AOAH: variants seen among roughly 807,000 people sequenced by gnomAD.
The protein encoded by AOAH is acyloxyacyl hydrolase, also known as acyloxyacyl hydrolase (neutrophil).
AOAH carries 64 observed loss-of-function variants against 92.2 expected under a neutral mutation model. The ratio of observed to expected loss-of-function variants is 0.69; its 90% confidence interval spans 0.57 to 0.86. The LOEUF (loss-of-function observed/expected upper bound fraction) is 0.86, where lower values mean the gene tolerates loss of function less well. Among genes scored for constraint, AOAH ranks in the 40% least tolerant of loss-of-function variants. AOAH has a pLI of 0.00. For missense variants in AOAH, 656 were observed against 694.6 expected (o/e 0.94, Z 0.62); for synonymous variants, 263 against 254.5 (o/e 1.03, Z -0.32).
intron 16 of AOAH, among the ~76,000 whole-genome samples, chr7:36,537,873 G>C (rs1160783926): frequency 6.6e-6 from 1 of 152,090 alleles, no homozygotes; most frequent in South Asian, 2.1e-4. Flanking sequence ...GGGTGGGGGT[G>C]AGTGGGTTGC....
chr7:36,618,277 A>G lies in AOAH; in HGVS notation c.751+20T>C. On this transcript the variant is annotated intron_variant, in intron 10 of 20. Transcript: ENST00000617537. ...AAGAATATCTATCATTATAACCACAATGACATCCACAATTCATACCTTCAC... is the reference window on the plus strand; with the variant it reads ...AAGAATATCTATCATTATAACCACAGTGACATCCACAATTCATACCTTCAC... The G allele has an allele frequency of 6.2e-7, 1 of 1,607,910 alleles. No individual in the cohort carries two copies. Among genetic ancestry groups the G allele is most frequent in the South Asian group, 1.1e-5 (1 of 90,922 alleles).
rs146107333 is a variant in AOAH at position 36,623,198 on chromosome 7, C to T, written c.574G>A (p.Val192Ile). 118 of 1,613,636 alleles carry T rather than the reference C, an allele frequency of 7.3e-5. No homozygotes were observed. The highest frequency in any genetic ancestry group is 1.3e-4 in the Admixed American group (8 of 59,990). Reference protein sequence around the residue: ...FKDVDSDKYSVFPTLRGYHWR... With the variant: ...FKDVDSDKYSIFPTLRGYHWR... ...TTCCTAACAATACTTACTGGGAAAACGCTGTATTTGTCTGAATCCACATCT... is the reference window on the plus strand; with the variant it reads ...TTCCTAACAATACTTACTGGGAAAATGCTGTATTTGTCTGAATCCACATCT... The change falls in exon 7 of 21, where the codon GTT becomes ATT. Residue 192 changes from valine (V) to isoleucine (I), a missense_variant. Transcript: ENST00000617537.
rs116029038 is a variant in AOAH at position 36,541,240 on chromosome 7, G to C, written c.1134-749C>G. 8.6e-3 allele frequency among the ~76,000 whole-genome samples: 1,316 copies of C among 152,210 alleles called. 18 individuals are homozygous for C. Among genetic ancestry groups the C allele is most frequent in the African/African-American group, 0.03 (1,243 of 41,524 alleles). ...CAGCATTTCACAACAATTCCAGCCC[G>C]CATTATTGTCTTTATATAGTAGTGC... is the stretch of plus-strand genomic sequence containing the variant. On this transcript the variant is annotated intron_variant, in intron 15 of 20. Coordinates refer to ENST00000617537, the MANE Select transcript of AOAH (RefSeq NM_001637.4).
At chr7:36,703,726 A>T (rs546991535) in intron 1 of AOAH, among the ~76,000 whole-genome samples, 10 of 152,022 alleles carry the variant, frequency 6.6e-5, no homozygotes, top group African/African-American at 2.2e-4. Context: ...ACACGAAGTC[A>T]TTGGTTCCAA....
chr7:36,557,417 A>G lies in AOAH; in HGVS notation c.1022-7942T>C, dbSNP rs1185303643. Among the ~76,000 whole-genome samples the G allele has an allele frequency of 3.3e-5, 5 of 151,964 alleles. No individual in the cohort carries two copies. The East Asian group carries it at 7.7e-4, about 24-fold the overall frequency. On this transcript the variant is annotated intron_variant, in intron 13 of 20. Coordinates refer to ENST00000617537, the MANE Select transcript of AOAH (RefSeq NM_001637.4). ...ACCTTTCTCTCTGGCTGCCCTTAAC[A>G]TTTTTTCCTTCATTTCAACTTTGGT...
chr7:36,659,030 G>T, intron 4 of AOAH, 136 bp downstream of exon 4: 1 of 721,506 alleles, frequency 1.4e-6, no homozygotes, highest in South Asian at 1.6e-5. Context: ...ATTTCTTGCG[G>T]GGTAATTGAA....
intron 4 of AOAH, among the ~76,000 whole-genome samples, chr7:36,645,155 C>A (rs1031675736): frequency 3.3e-5 from 5 of 152,096 alleles, no homozygotes; most frequent in Admixed American, 6.5e-5. Context: ...TGGATTGAAA[C>A]CTGAATCTCC....
chr7:36,521,006 C>G (rs142114154), intron 20 of AOAH, among the ~76,000 whole-genome samples: 390 of 152,268 alleles, frequency 2.6e-3, no homozygotes, highest in African/African-American at 9.1e-3. Context: ...TCCTTCTATT[C>G]TTGTTCCTTT....
intron 5 of AOAH, among the ~76,000 whole-genome samples, chr7:36,637,075 C>T (rs1314197277): frequency 1.3e-5 from 2 of 152,176 alleles, no homozygotes; most frequent in Non-Finnish European, 2.9e-5. Flanking sequence ...GCTTCCTTTT[C>T]AAATGGGCTG....
chr7:36,523,629 G>GGTTTTTTTTTTTTTTTTTT (rs759621905), intron 19 of AOAH, among the ~76,000 whole-genome samples: 2 of 100,138 alleles, frequency 2.0e-5, no homozygotes, highest in African/African-American at 8.1e-5. Context: ...TGTTTTGCCT[G>GGTTTTTTTTTTTTTTTTTT]TTTTTTTTTT....
intron 2 of AOAH, among the ~76,000 whole-genome samples, chr7:36,677,489 T>C (rs1796327384): frequency 6.6e-6 from 1 of 152,214 alleles, no homozygotes; most frequent in Admixed American, 6.5e-5. Context: ...CTGATGGCAA[T>C]GTAAACTCGT....
intron 4 of AOAH, among the ~76,000 whole-genome samples, chr7:36,642,241 T>C (rs774279024): frequency 6.6e-6 from 1 of 152,164 alleles, no homozygotes; most frequent in East Asian, 2.0e-4. Flanking sequence ...TAAGCTGAGA[T>C]AAGGTCATAT....
intron 13 of AOAH, among the ~76,000 whole-genome samples, chr7:36,558,796 C>G (rs1787022927): frequency 6.6e-6 from 1 of 152,264 alleles, no homozygotes; most frequent in South Asian, 2.1e-4. Flanking sequence ...AGGATATAAT[C>G]TCCTGGTGCG....
At chr7:36,616,615 T>C (rs1199586435) in intron 10 of AOAH, 141 bp from the exon 11 acceptor site, 1 of 667,796 alleles carries the variant, frequency 1.5e-6, no homozygotes, top group Non-Finnish European at 2.7e-6. Flanking sequence ...ACTTTTCGCA[T>C]GTTTGAGAGT....
intron 11 of AOAH, among the ~76,000 whole-genome samples, chr7:36,606,438 C>T (rs975003615): frequency 6.6e-6 from 1 of 152,156 alleles, no homozygotes; most frequent in Non-Finnish European, 1.5e-5. Flanking sequence ...ATTCAATCTG[C>T]GCCTACTTAC....
chr7:36,522,985 C>A (rs918111349), intron 19 of AOAH, among the ~76,000 whole-genome samples: 1 of 152,184 alleles, frequency 6.6e-6, no homozygotes, highest in Non-Finnish European at 1.5e-5. Context: ...CTGTCAGGGG[C>A]TTTGATTGGA....
chr7:36,609,329 C>T (rs533831549), intron 11 of AOAH, among the ~76,000 whole-genome samples: 1 of 152,192 alleles, frequency 6.6e-6, no homozygotes, highest in African/African-American at 2.4e-5. Flanking sequence ...TTCATCCTGC[C>T]CACTGAAATC....
At chr7:36,549,086 G>C (rs76121481) in intron 14 of AOAH, among the ~76,000 whole-genome samples, 18 of 152,136 alleles carry the variant, frequency 1.2e-4, no homozygotes, top group Admixed American at 2.6e-4. Context: ...AAAGGCAAAG[G>C]CTTCTTGAGG....
intron 3 of AOAH, among the ~76,000 whole-genome samples, chr7:36,666,109 T>A (rs1795517389): frequency 6.6e-6 from 1 of 152,110 alleles, no homozygotes; most frequent in Non-Finnish European, 1.5e-5. Context: ...CTGAAATAGA[T>A]TATAGAGACT....
Sources: allele counts gnomAD v4.1 joint callset (sites outside exome capture counted in the v4.1 genomes callset), GRCh38; gene constraint gnomAD v4.1.1; transcripts MANE v1.5; gene names NCBI Gene and HGNC (gene_info 2026-07-23, HGNC 2026-07-21).